UVRAG: variants seen among roughly 807,000 people sequenced by gnomAD.
The protein encoded by UVRAG is UV radiation resistance associated.
A neutral mutation model predicts 78.0 loss-of-function variants in UVRAG; 19 were observed. The ratio of observed to expected loss-of-function variants is 0.24; its 90% CI spans 0.17 to 0.36. The LOEUF (loss-of-function observed/expected upper bound fraction) is 0.36. Among genes scored for constraint, UVRAG ranks in the 10% least tolerant of loss-of-function variants. The pLI, the probability that UVRAG is intolerant of heterozygous loss-of-function variation, is 1.00. For missense variants in UVRAG, 740 were observed against 853.8 expected, an observed-to-expected ratio of 0.87 and a Z score of 1.66; for synonymous variants, 323 against 324.6, an observed-to-expected ratio of 1.00 and a Z score of 0.05.
chr11:76,079,464 G>A (rs1951459536), intron 13 of UVRAG, among the ~76,000 whole-genome samples: 1 of 151,218 alleles, frequency 6.6e-6, no homozygotes, highest in Non-Finnish European at 1.5e-5. Context: ...CAGCCAGGGC[G>A]ACAGTGAAAC....
chr11:76,027,773 G>A (rs1446565647), intron 12 of UVRAG, among the ~76,000 whole-genome samples: 1 of 152,100 alleles, frequency 6.6e-6, no homozygotes, highest in Non-Finnish European at 1.5e-5. Flanking sequence ...CTAATAAAGG[G>A]CAAGGAATAT....
At chr11:76,140,687 T>A (rs1455291242) in intron 14 of UVRAG, 24 bp from the exon 15 acceptor site, 1 of 1,540,318 alleles carries the variant, frequency 6.5e-7, no homozygotes, top group Non-Finnish European at 8.7e-7. Context: ...CCAAAGTAAC[T>A]TCTTGTTTTT....
intron 7 of UVRAG, among the ~76,000 whole-genome samples, chr11:75,979,038 G>T (rs192904710): frequency 6.6e-6 from 1 of 152,280 alleles, no homozygotes; most frequent in Non-Finnish European, 1.5e-5. Flanking sequence ...TGATGGTGAC[G>T]TACAGATGGG....
intron 1 of UVRAG, chr11:75,838,999 T>A (rs572095494): frequency 6.6e-6 from 1 of 152,360 alleles, no homozygotes; most frequent in Non-Finnish European, 1.5e-5. Flanking sequence ...GCAAAAAGGC[T>A]CTCACCAGAG....
At chr11:76,057,496 A>C (rs1255499557) in intron 12 of UVRAG, among the ~76,000 whole-genome samples, 1 of 152,252 alleles carries the variant, frequency 6.6e-6, no homozygotes, top group Non-Finnish European at 1.5e-5. Flanking sequence ...TATTATTTTA[A>C]AATGGCTTAT....
intron 2 of UVRAG, among the ~76,000 whole-genome samples, chr11:75,854,142 A>G (rs1946232397): frequency 6.6e-6 from 1 of 152,198 alleles, no homozygotes; most frequent in Admixed American, 6.5e-5. Flanking sequence ...AACAAATACC[A>G]CAACTCTTAG....
At chr11:75,857,444 A>G (rs72997681) in intron 2 of UVRAG, among the ~76,000 whole-genome samples, 9,412 of 151,430 alleles carry the variant, frequency 0.062, 408 homozygotes, top group Middle Eastern at 0.1. Context: ...TCCTTCACTT[A>G]TTCACGTGAC....
chr11:76,009,173 A>G (rs1950005112), intron 11 of UVRAG, among the ~76,000 whole-genome samples: 1 of 152,172 alleles, frequency 6.6e-6, no homozygotes. Context: ...TTTGATTTTT[A>G]TGAAAAATTT....
intron 13 of UVRAG, among the ~76,000 whole-genome samples, chr11:76,091,312 C>T (rs576971196): frequency 8.5e-5 from 13 of 152,222 alleles, no homozygotes; most frequent in African/African-American, 3.1e-4. Context: ...TTTGTAGGAA[C>T]TGTATTTGTG....
At chr11:75,843,339 C>G (rs1362450198) in intron 1 of UVRAG, among the ~76,000 whole-genome samples, 1 of 152,154 alleles carries the variant, frequency 6.6e-6, no homozygotes, top group African/African-American at 2.4e-5. Context: ...TGAAACATTT[C>G]TTTTATCTTG....
intron 8 of UVRAG, 31 bp downstream of exon 8, chr11:75,983,544 C>A: frequency 2.0e-6 from 3 of 1,527,072 alleles, no homozygotes; most frequent in Non-Finnish European, 2.7e-6. Flanking sequence ...AACAGCCTAA[C>A]CTCCACATTC....
chr11:75,908,342 T>C (rs1947662619), intron 5 of UVRAG, among the ~76,000 whole-genome samples: 1 of 152,232 alleles, frequency 6.6e-6, no homozygotes, highest in Admixed American at 6.5e-5. Flanking sequence ...TTGGGTTGCT[T>C]CCACCCCTTG....
intron 4 of UVRAG, among the ~76,000 whole-genome samples, chr11:75,883,133 GTATC>G (rs1425983758): frequency 1.3e-5 from 2 of 152,092 alleles, no homozygotes; most frequent in Non-Finnish European, 2.9e-5. Context: ...CTACTTGAAA[GTATC>G]TATATTTCAT....
Position 75,882,411 on chromosome 11 carries a change from G to A in UVRAG, c.432+2371G>A, listed in dbSNP as rs1030363552. Among the ~76,000 whole-genome samples the A allele has an allele frequency of 6.6e-5, 10 of 152,030 alleles. No individual in the cohort carries two copies. In the South Asian group the frequency reaches 1.5e-3, roughly 22 times the overall value. ...GCCTGTAATCCCAGCTACTCAGGAGGCTGAGGTGGGAGAATTGCTTGAACC... is the reference window on the plus strand; with the variant it reads ...GCCTGTAATCCCAGCTACTCAGGAGACTGAGGTGGGAGAATTGCTTGAACC... On this transcript the variant is annotated intron_variant, in intron 4 of 14. Transcript: ENST00000356136.
chr11:75,898,630 T>G (rs916200600), intron 5 of UVRAG, among the ~76,000 whole-genome samples: 1 of 152,218 alleles, frequency 6.6e-6, no homozygotes, highest in Non-Finnish European at 1.5e-5. Context: ...CTACGTCACC[T>G]GTGAAGAGGT....
chr11:75,825,597 GA>G (rs1945493989), intron 1 of UVRAG, among the ~76,000 whole-genome samples: 1 of 152,090 alleles, frequency 6.6e-6, no homozygotes, highest in African/African-American at 2.4e-5. Flanking sequence ...TTTTAAGATG[GA>G]AACATGAATT....
At chr11:75,828,762 T>C (rs1341162619) in intron 1 of UVRAG, among the ~76,000 whole-genome samples, 4 of 113,062 alleles carry the variant, frequency 3.5e-5, no homozygotes, top group Admixed American at 3.5e-4. Flanking sequence ...CACATATATA[T>C]ATATATATAT....
chr11:76,062,526 A>AG (rs1378315673), intron 12 of UVRAG, among the ~76,000 whole-genome samples: 1 of 152,130 alleles, frequency 6.6e-6, no homozygotes, highest in Non-Finnish European at 1.5e-5. Context: ...TTTCTCTCTG[A>AG]AAGTCCTTCA....
At chr11:75,854,162 A>G (rs1040577807) in intron 2 of UVRAG, among the ~76,000 whole-genome samples, 3 of 152,236 alleles carry the variant, frequency 2.0e-5, no homozygotes, top group Admixed American at 6.5e-5. Flanking sequence ...GTGGCTTACC[A>G]TAATACATGT....
Sources: gnomAD v4.1 joint callset for allele counts (sites outside exome capture counted in the v4.1 genomes callset) on GRCh38, gnomAD v4.1.1 for gene constraint, MANE v1.5 for transcripts, NCBI Gene and HGNC (gene_info 2026-07-23, HGNC 2026-07-21) for gene names.